NCOA7: variants seen among roughly 807,000 people sequenced by gnomAD.
NCOA7 encodes the protein nuclear receptor coactivator 7.
In NCOA7, 45 loss-of-function variants were observed where a neutral mutation model predicts 104.3. That is an observed-to-expected ratio of 0.43 (90% CI 0.34 to 0.55). NCOA7 has a LOEUF of 0.55. NCOA7 is among the 20% of genes least tolerant of loss of function. NCOA7 has a pLI of 0.02. For missense variants in NCOA7, 1,041 were observed against 1,119.7 expected, an observed-to-expected ratio of 0.93 and a Z score of 1.00; for synonymous variants, 398 against 402.3, an observed-to-expected ratio of 0.99 and a Z score of 0.13.
chr6:125,915,424 G>A lies in NCOA7; in HGVS notation c.2188G>A (p.Glu730Lys). 1 of 1,613,884 alleles carries A rather than the reference G, an allele frequency of 6.2e-7. No individual in the cohort carries two copies. The highest frequency in any genetic ancestry group is 2.2e-5 in the East Asian group (1 of 44,874). ...GCAAGGCTTTGTGGTGGTGGAGAAG[G>A]AAGAACTGAACATGATTGACAACTT... ...KEQGFVVVEK[E>K]ELNMIDNFFS... Residue 730 changes from glutamate (E) to lysine (K), a missense_variant, in exon 11 of 16, where the codon GAA becomes AAA. Transcript: ENST00000392477.
intron 4 of NCOA7, 31 bp downstream of exon 4, chr6:125,874,999 G>T (rs1226573757): frequency 6.8e-7 from 1 of 1,477,946 alleles, no homozygotes; most frequent in South Asian, 1.1e-5. Context: ...ATAAATGTTT[G>T]TTAATAGCAC....
At position 125,928,890 on chromosome 6, in the gene NCOA7, C is replaced by T; in HGVS notation, c.*119C>T. 2 of 1,065,306 alleles carry T rather than the reference C, an allele frequency of 1.9e-6. No individual in the cohort carries two copies. The highest frequency in any genetic ancestry group is 1.3e-6 in the Non-Finnish European group (1 of 751,558). The allele number at this position is 1,065,306 out of a possible 1,614,324, so 66.0% of individuals were successfully genotyped here. ...CTCATCCCACCCCAATGCTTCCTTT[C>T]TGCCATCATCTCAGAGCATGATCAC... On this transcript the variant is annotated 3_prime_UTR_variant, in exon 16 of 16. Coordinates refer to ENST00000392477, the MANE Select transcript of NCOA7 (RefSeq NM_181782.5).
intron 1 of NCOA7, among the ~76,000 whole-genome samples, chr6:125,809,215 GTC>G (rs1298545955): frequency 6.6e-6 from 1 of 151,796 alleles, no homozygotes; most frequent in Non-Finnish European, 1.5e-5. Flanking sequence ...TTGAGAGAGA[GTC>G]TCTCTCTGAC....
intron 3 of NCOA7, among the ~76,000 whole-genome samples, chr6:125,869,049 A>G (rs1046003468): frequency 5.3e-5 from 8 of 152,212 alleles, no homozygotes; most frequent in Non-Finnish European, 5.9e-5. Context: ...TTAATAACAG[A>G]AAAAAAGGCT....
intron 1 of NCOA7, among the ~76,000 whole-genome samples, chr6:125,813,926 C>A (rs373445666): frequency 8.0e-6 from 1 of 124,624 alleles, no homozygotes; most frequent in African/African-American, 2.8e-5. Context: ...ATTAAGTATT[C>A]CTGAGGTCTA....
At chr6:125,867,396 A>G (rs74929107) in intron 3 of NCOA7, among the ~76,000 whole-genome samples, 2,799 of 152,096 alleles carry the variant, frequency 0.018, 83 homozygotes, top group African/African-American at 0.064. Context: ...TACTTTAAAA[A>G]AAGTACTTCT....
chr6:125,813,449 A>ATTTTT (rs36073060), intron 1 of NCOA7, among the ~76,000 whole-genome samples: 2 of 135,704 alleles, frequency 1.5e-5, no homozygotes, highest in South Asian at 2.4e-4. Context: ...GGGAAATGCA[A>ATTTTT]TTTTTTTTTT....
chr6:125,828,388 T>A (rs1198319140), intron 2 of NCOA7, among the ~76,000 whole-genome samples: 1 of 152,154 alleles, frequency 6.6e-6, no homozygotes, highest in Non-Finnish European at 1.5e-5. Context: ...ATAAAAGCAG[T>A]TTCAGCACAG....
intron 10 of NCOA7, among the ~76,000 whole-genome samples, chr6:125,910,710 G>A (rs1399432187): frequency 6.6e-6 from 1 of 152,224 alleles, no homozygotes; most frequent in Non-Finnish European, 1.5e-5. Context: ...TTCTGAGAAT[G>A]TCCTGTGGCT....
intron 1 of NCOA7, among the ~76,000 whole-genome samples, chr6:125,801,470 A>G (rs1775880690): frequency 6.6e-6 from 1 of 152,210 alleles, no homozygotes; most frequent in African/African-American, 2.4e-5. Context: ...CAACAGTGAT[A>G]GTGTATAAAA....
chr6:125,901,571 A>T (rs148983394), intron 10 of NCOA7, among the ~76,000 whole-genome samples: 301 of 152,274 alleles, frequency 2.0e-3, no homozygotes, highest in African/African-American at 6.4e-3. Context: ...CACCAGTGGG[A>T]ATGAACCCTG....
At chr6:125,794,171 G>A (rs963519542) in intron 1 of NCOA7, among the ~76,000 whole-genome samples, 2 of 152,130 alleles carry the variant, frequency 1.3e-5, no homozygotes, top group Non-Finnish European at 1.5e-5. Context: ...TCGAAATGTG[G>A]TTATGATCAT....
chr6:125,848,887 A>T (rs1189165833), intron 2 of NCOA7, among the ~76,000 whole-genome samples: 1 of 152,230 alleles, frequency 6.6e-6, no homozygotes, highest in Non-Finnish European at 1.5e-5. Flanking sequence ...TTTGGAGACC[A>T]TGCTGCTAAT....
At chr6:125,853,060 C>T (rs535950759) in intron 2 of NCOA7, among the ~76,000 whole-genome samples, 1 of 152,312 alleles carries the variant, frequency 6.6e-6, no homozygotes, top group Non-Finnish European at 1.5e-5. Context: ...AGTCCATGAG[C>T]ATGGGGTGTA....
chr6:125,821,844 G>A (rs1160856742), intron 2 of NCOA7, among the ~76,000 whole-genome samples: 1 of 151,856 alleles, frequency 6.6e-6, no homozygotes, highest in African/African-American at 2.4e-5. Context: ...AAATAATTCT[G>A]TACAAAAAGC....
chr6:125,820,098 A>G (rs578146320), intron 2 of NCOA7, among the ~76,000 whole-genome samples: 1 of 152,238 alleles, frequency 6.6e-6, no homozygotes, highest in South Asian at 2.1e-4. Context: ...TGAAAAGCAG[A>G]ACTGCTGCTC....
intron 1 of NCOA7, among the ~76,000 whole-genome samples, chr6:125,801,064 CAAG>C (rs1775843435): frequency 6.6e-6 from 1 of 152,086 alleles, no homozygotes; most frequent in Non-Finnish European, 1.5e-5. Context: ...GAAAATGACA[CAAG>C]GTAGCATAAG....
At chr6:125,927,094 A>G (rs1432169886) in intron 13 of NCOA7, among the ~76,000 whole-genome samples, 9 of 152,238 alleles carry the variant, frequency 5.9e-5, no homozygotes, top group Admixed American at 5.2e-4. Context: ...GTTTCTTAAA[A>G]GTCACTTTGA....
intron 10 of NCOA7, among the ~76,000 whole-genome samples, chr6:125,892,425 C>T (rs1021629392): frequency 6.6e-5 from 10 of 152,070 alleles, no homozygotes; most frequent in African/African-American, 1.9e-4. Flanking sequence ...AGCAGGTCAA[C>T]TTTGGGAGGC....
Sources: allele counts gnomAD v4.1 joint callset (sites outside exome capture counted in the v4.1 genomes callset), GRCh38; gene constraint gnomAD v4.1.1; transcripts MANE v1.5; gene names NCBI Gene and HGNC (gene_info 2026-07-23, HGNC 2026-07-21).